HDAC9: variants seen among roughly 807,000 people sequenced by gnomAD.
HDAC9 encodes the protein MEF-2 interacting transcription repressor (MITR) protein.
Under a neutral mutation model 139.4 loss-of-function variants are expected in HDAC9, and 41 were observed. The observed-to-expected ratio is 0.29, with a 90% CI of 0.23 to 0.38. The LOEUF (loss-of-function observed/expected upper bound fraction) is 0.38, where lower values mean the gene tolerates loss of function less well. Ranked by LOEUF, HDAC9 falls within the 10% of genes least tolerant of loss-of-function variation. The pLI, the probability that HDAC9 is intolerant of heterozygous loss-of-function variation, is 1.00. For synonymous variants in HDAC9, 517 were observed against 476.2 expected (o/e 1.09, Z -1.12); for missense variants, 1,147 against 1,297.0 (o/e 0.88, Z 1.78).
rs760441617 is a variant in HDAC9 at position 18,593,971 on chromosome 7, C to T, written c.606C>T (p.Tyr202=). 5 of 1,612,802 alleles carry T rather than the reference C, an allele frequency of 3.1e-6. No homozygotes were observed. Among genetic ancestry groups the T allele is most frequent in the Non-Finnish European group, 4.2e-6 (5 of 1,179,038 alleles). The stretch of plus-strand genomic sequence containing the variant: ...CCCTTAGTGGAACATCTCCATCCTA[C>T]AAGTACACATTACCAGGAGCACAAG... ...SPPLSGTSPS[Y]KYTLPGAQDA... Residue 202 remains tyrosine (Y), a synonymous_variant, in exon 6 of 26, where the codon TAC becomes TAT. Coordinates refer to ENST00000686413, the MANE Select transcript of HDAC9 (RefSeq NM_178425.4).
chr7:18,285,079 C>A (rs1269525441), intron 2 of HDAC9, among the ~76,000 whole-genome samples: 1 of 152,014 alleles, frequency 6.6e-6, no homozygotes, highest in Non-Finnish European at 1.5e-5. Flanking sequence ...AGCTAAAGGA[C>A]AAGTAAAGGA....
intron 2 of HDAC9, among the ~76,000 whole-genome samples, chr7:18,170,350 T>G (rs1788332460): frequency 6.6e-6 from 1 of 152,132 alleles, no homozygotes; most frequent in African/African-American, 2.4e-5. Context: ...CTTTGTAGAT[T>G]TGTCAGACGG....
chr7:18,614,778 G>A (rs139952487), intron 6 of HDAC9, among the ~76,000 whole-genome samples: 1 of 152,076 alleles, frequency 6.6e-6, no homozygotes, highest in African/African-American at 2.4e-5. Flanking sequence ...GTTCTTCTTT[G>A]AGCCCCTCCA....
At chr7:18,174,919 C>T (rs1397140085) in intron 2 of HDAC9, among the ~76,000 whole-genome samples, 1 of 152,192 alleles carries the variant, frequency 6.6e-6, no homozygotes, top group Non-Finnish European at 1.5e-5. Context: ...GCCAGGGACC[C>T]ACTTGAGGAG....
chr7:18,264,007 A>G (rs1795847824), intron 2 of HDAC9, among the ~76,000 whole-genome samples: 1 of 152,246 alleles, frequency 6.6e-6, no homozygotes, highest in Non-Finnish European at 1.5e-5. Context: ...ACCATGAAGA[A>G]GACATAGGAA....
chr7:18,705,695 A>T (rs1783836261), intron 12 of HDAC9, among the ~76,000 whole-genome samples: 1 of 151,920 alleles, frequency 6.6e-6, no homozygotes, highest in East Asian at 1.9e-4. Context: ...TACTAAAAAA[A>T]TACAAAAATT....
chr7:18,161,775 A>C (rs1584397864), intron 1 of HDAC9, among the ~76,000 whole-genome samples: 1 of 152,236 alleles, frequency 6.6e-6, no homozygotes, highest in East Asian at 1.9e-4. Flanking sequence ...TTCTTTTTTT[A>C]GTCCATTAAA....
At chr7:18,162,585 T>A in intron 2 of HDAC9, 1 of 530,468 alleles carries the variant, frequency 1.9e-6, no homozygotes, top group South Asian at 2.2e-5. Flanking sequence ...GGGACTTTAA[T>A]TCTTCTGCTT....
At chr7:18,392,258 A>G (rs1461777375) in intron 1 of HDAC9, among the ~76,000 whole-genome samples, 1 of 106,604 alleles carries the variant, frequency 9.4e-6, no homozygotes, top group African/African-American at 3.5e-5. Context: ...TTCTCTTTCT[A>G]TCTCTGTCTC....
At chr7:18,353,101 T>C (rs758043772) in intron 1 of HDAC9, among the ~76,000 whole-genome samples, 2 of 152,184 alleles carry the variant, frequency 1.3e-5, no homozygotes, top group Non-Finnish European at 2.9e-5. Context: ...ACTCTTTATG[T>C]AATCAAACCT....
chr7:18,853,755 C>T (rs1432314479), intron 21 of HDAC9, among the ~76,000 whole-genome samples: 5 of 152,116 alleles, frequency 3.3e-5, no homozygotes, highest in Non-Finnish European at 7.4e-5. Context: ...CATTAGCGTG[C>T]ATTTACCTAT....
intron 13 of HDAC9, among the ~76,000 whole-genome samples, chr7:18,747,559 AC>A (rs1788086824): frequency 6.6e-6 from 1 of 152,134 alleles, no homozygotes; most frequent in Admixed American, 6.6e-5. Flanking sequence ...AAAATCAGAG[AC>A]ATTTTCACTT....
intron 2 of HDAC9, among the ~76,000 whole-genome samples, chr7:18,498,899 A>G (rs968270359): frequency 6.6e-6 from 1 of 152,132 alleles, no homozygotes; most frequent in African/African-American, 2.4e-5. Flanking sequence ...GCCATGTTCT[A>G]TCTTGCTGAA....
chr7:18,196,696 A>G (rs1790752899), intron 2 of HDAC9, among the ~76,000 whole-genome samples: 2 of 152,176 alleles, frequency 1.3e-5, no homozygotes, highest in Admixed American at 1.3e-4. Flanking sequence ...GATAAAAAAC[A>G]TTTCTGAAAA....
intron 22 of HDAC9, among the ~76,000 whole-genome samples, chr7:18,905,742 C>T (rs1802175535): frequency 6.6e-6 from 1 of 152,188 alleles, no homozygotes. Flanking sequence ...AGAAGTATTT[C>T]AGCCATCTGT....
intron 2 of HDAC9, among the ~76,000 whole-genome samples, chr7:18,239,445 C>T (rs543195762): frequency 6.6e-6 from 1 of 152,212 alleles, no homozygotes; most frequent in Non-Finnish European, 1.5e-5. Flanking sequence ...TTTCAGTCAT[C>T]AGGGGCCATA....
chr7:18,737,714 G>A (rs1787056626), intron 13 of HDAC9, among the ~76,000 whole-genome samples: 2 of 152,184 alleles, frequency 1.3e-5, no homozygotes, highest in South Asian at 4.1e-4. Context: ...GCGATGTGGT[G>A]CTGAGAAGAA....
intron 1 of HDAC9, among the ~76,000 whole-genome samples, chr7:18,458,300 C>T (rs947145831): frequency 5.3e-5 from 8 of 152,110 alleles, no homozygotes; most frequent in African/African-American, 1.9e-4. Context: ...AAGAGGAGAG[C>T]TCTTTTAGGC....
At chr7:18,496,149 G>A in intron 1 of HDAC9, 113 bp from the exon 2 acceptor site, 2 of 1,405,846 alleles carry the variant, frequency 1.4e-6, no homozygotes, top group African/African-American at 2.8e-5. Context: ...ACCAGCGAGG[G>A]TAGCTCCTGG....
Sources: allele counts gnomAD v4.1 joint callset (sites outside exome capture counted in the v4.1 genomes callset), GRCh38; gene constraint gnomAD v4.1.1; transcripts MANE v1.5; gene names NCBI Gene and HGNC (gene_info 2026-07-23, HGNC 2026-07-21).